The following SPMIP2 variants were observed in gnomAD, a reference collection of about 807,000 sequenced individuals.
SPMIP2 encodes sperm microtubule inner protein 2, also known as protein SPMIP2.
chr4:159,043,968 C>A, the SPMIP2 span, among the ~76,000 whole-genome samples: 2 of 152,288 alleles, frequency 1.3e-5, no homozygotes, highest in East Asian at 3.9e-4. Flanking sequence ...ACAGCTCTTA[C>A]CTTTTACCTG....
chr4:158,905,178 T>C, the SPMIP2 span: 1 of 152,496 alleles, frequency 6.6e-6, no homozygotes, highest in African/African-American at 2.4e-5. Context: ...TCATTTCTTC[T>C]TGGAGTTTAC....
chr4:159,070,227 G>A, the SPMIP2 span, among the ~76,000 whole-genome samples: 1 of 152,134 alleles, frequency 6.6e-6, no homozygotes, highest in African/African-American at 2.4e-5. Flanking sequence ...TTGTGCCATC[G>A]AGTTGTTTAA....
the SPMIP2 span, among the ~76,000 whole-genome samples, chr4:158,924,460 A>T: frequency 6.6e-6 from 1 of 151,936 alleles, no homozygotes; most frequent in Non-Finnish European, 1.5e-5. Flanking sequence ...GCTTACTGCA[A>T]CCTCTGCCTC....
chr4:159,028,427 C>T, the SPMIP2 span, among the ~76,000 whole-genome samples: 10 of 152,032 alleles, frequency 6.6e-5, no homozygotes, highest in Non-Finnish European at 1.5e-4. Context: ...ACCTCCCAGG[C>T]CCAAGCTATC....
the SPMIP2 span, chr4:158,915,239 C>T: frequency 6.2e-7 from 1 of 1,613,662 alleles, no homozygotes; most frequent in Non-Finnish European, 8.5e-7. Flanking sequence ...ACTTACACTG[C>T]CTAACAAGAA....
chr4:159,045,442 A>T, the SPMIP2 span, among the ~76,000 whole-genome samples: 6 of 152,258 alleles, frequency 3.9e-5, no homozygotes, highest in African/African-American at 1.4e-4. Flanking sequence ...AGTTTCACTT[A>T]GGTTGAAACC....
chr4:158,925,330 C>T, the SPMIP2 span, among the ~76,000 whole-genome samples: 27 of 152,222 alleles, frequency 1.8e-4, no homozygotes, highest in South Asian at 5.2e-3. Flanking sequence ...TGGAATTGTT[C>T]GCAGTACTCC....
the SPMIP2 span, chr4:158,915,448 T>C: frequency 1.7e-6 from 2 of 1,195,450 alleles, no homozygotes; most frequent in East Asian, 2.5e-5. Flanking sequence ...TCTGTTTTTC[T>C]AGTAATTTAA....
the SPMIP2 span, among the ~76,000 whole-genome samples, chr4:158,999,628 T>C: frequency 3.6e-4 from 55 of 152,212 alleles, no homozygotes; most frequent in Non-Finnish European, 4.0e-4. Context: ...CCTTTGCCCT[T>C]CTCTACTTAA....
At chr4:159,005,400 C>T in the SPMIP2 span, among the ~76,000 whole-genome samples, 6 of 152,022 alleles carry the variant, frequency 3.9e-5, no homozygotes, top group Non-Finnish European at 8.8e-5. Context: ...GCCGAGATCA[C>T]GCCATTGCAC....
At chr4:158,933,576 A>G in the SPMIP2 span, among the ~76,000 whole-genome samples, 2 of 152,162 alleles carry the variant, frequency 1.3e-5, no homozygotes, top group Non-Finnish European at 2.9e-5. Flanking sequence ...TTTCTGTCAG[A>G]TAAAATCATC....
At chr4:159,055,281 C>T in the SPMIP2 span, among the ~76,000 whole-genome samples, 2 of 152,196 alleles carry the variant, frequency 1.3e-5, no homozygotes, top group Non-Finnish European at 2.9e-5. Flanking sequence ...AGGACACCAC[C>T]TGACTCTTTT....
chr4:158,906,221 G>C, the SPMIP2 span: 1 of 152,304 alleles, frequency 6.6e-6, no homozygotes, highest in Non-Finnish European at 1.5e-5. Flanking sequence ...TTGTGTTACA[G>C]AGAGAGAAGG....
At chr4:159,046,667 G>A in the SPMIP2 span, among the ~76,000 whole-genome samples, 1 of 152,156 alleles carries the variant, frequency 6.6e-6, no homozygotes, top group Non-Finnish European at 1.5e-5. Flanking sequence ...CCACCTCCCT[G>A]GTTCCAGCGA....
At chr4:159,064,965 A>C in the SPMIP2 span, among the ~76,000 whole-genome samples, 1 of 152,244 alleles carries the variant, frequency 6.6e-6, no homozygotes, top group African/African-American at 2.4e-5. Flanking sequence ...TTGGTTCCAT[A>C]GCTTTGCATT....
At chr4:158,983,353 T>C in the SPMIP2 span, among the ~76,000 whole-genome samples, 1 of 151,036 alleles carries the variant, frequency 6.6e-6, no homozygotes, top group East Asian at 2.0e-4. Flanking sequence ...CCAAGACACA[T>C]AATTGTCAGA....
At chr4:158,969,051 TTATAA>T in the SPMIP2 span, among the ~76,000 whole-genome samples, 1 of 152,244 alleles carries the variant, frequency 6.6e-6, no homozygotes, top group South Asian at 2.1e-4. Context: ...AATATATTGG[TTATAA>T]TATGATTAAT....
chr4:159,023,329 A>G, the SPMIP2 span, among the ~76,000 whole-genome samples: 1 of 152,158 alleles, frequency 6.6e-6, no homozygotes, highest in Non-Finnish European at 1.5e-5. Flanking sequence ...ACCCTCAGAC[A>G]TCAGTGTTCC....
the SPMIP2 span, among the ~76,000 whole-genome samples, chr4:159,008,875 T>G: frequency 6.6e-6 from 1 of 152,216 alleles, no homozygotes; most frequent in Non-Finnish European, 1.5e-5. Flanking sequence ...GCTGTGGTTA[T>G]GTAGCCAGGA....
Sources: gnomAD v4.1 joint callset for allele counts (sites outside exome capture counted in the v4.1 genomes callset) on GRCh38, gnomAD v4.1.1 for gene constraint, MANE v1.5 for transcripts, NCBI Gene and HGNC (gene_info 2026-07-23, HGNC 2026-07-21) for gene names.